Variants in TENM3 observed in about 807,000 individuals in gnomAD.
TENM3 encodes the protein teneurin-3.
In TENM3, 63 loss-of-function variants were observed where a neutral mutation model predicts 255.1. That is an observed-to-expected ratio of 0.25 (90% CI 0.20 to 0.30). The LOEUF is 0.30. TENM3 is among the 10% of genes least tolerant of loss of function. The pLI is 1.00. For missense variants in TENM3, 2,929 were observed against 3,461.1 expected (o/e 0.85, Z 3.86); for synonymous variants, 1,306 against 1,322.3 (o/e 0.99, Z 0.27).
the TENM3 span, among the ~76,000 whole-genome samples, chr4:181,627,035 C>T: frequency 6.6e-6 from 1 of 152,220 alleles, no homozygotes; most frequent in African/African-American, 2.4e-5. Flanking sequence ...AACAAGGTTT[C>T]CCTGCAGGAG....
chr4:181,742,429 G>C, the TENM3 span, among the ~76,000 whole-genome samples: 1 of 151,986 alleles, frequency 6.6e-6, no homozygotes, highest in East Asian at 1.9e-4. Flanking sequence ...GTTTAGTCAG[G>C]GCTTTTTATG....
At chr4:182,548,613 T>C (rs1057231311) in intron 3 of TENM3, 2 of 152,162 alleles carry the variant, frequency 1.3e-5, no homozygotes, top group African/African-American at 4.8e-5. Flanking sequence ...GGACATTTGT[T>C]AACACTCCCA....
chr4:181,547,860 G>T, the TENM3 span, among the ~76,000 whole-genome samples: 2 of 151,710 alleles, frequency 1.3e-5, no homozygotes, highest in East Asian at 1.9e-4. Context: ...ACAATGTGCA[G>T]GTTTGTTACA....
chr4:181,504,906 T>A, the TENM3 span, among the ~76,000 whole-genome samples: 2 of 152,214 alleles, frequency 1.3e-5, no homozygotes, highest in Admixed American at 6.5e-5. Context: ...ATTTGTTTAC[T>A]TAGCCCTGCT....
the TENM3 span, among the ~76,000 whole-genome samples, chr4:181,954,349 C>G: frequency 2.0e-5 from 3 of 152,088 alleles, no homozygotes; most frequent in South Asian, 6.2e-4. Context: ...AGCTGGAAAA[C>G]TGTTTTACAA....
chr4:181,644,584 C>T, the TENM3 span, among the ~76,000 whole-genome samples: 1 of 152,170 alleles, frequency 6.6e-6, no homozygotes, highest in Non-Finnish European at 1.5e-5. Flanking sequence ...CTTCTGCCTG[C>T]CTCACCAAAT....
the TENM3 span, among the ~76,000 whole-genome samples, chr4:181,951,539 C>A: frequency 9.4e-4 from 143 of 152,320 alleles, no homozygotes; most frequent in African/African-American, 3.3e-3. Flanking sequence ...AAAGGAAGAA[C>A]GGCAAAGTCC....
At chr4:182,132,959 CAT>C in the TENM3 span, among the ~76,000 whole-genome samples, 2 of 152,140 alleles carry the variant, frequency 1.3e-5, no homozygotes, top group East Asian at 3.9e-4. Context: ...ATGAGGACCA[CAT>C]GAGACAATGT....
chr4:181,753,530 G>GA, the TENM3 span, among the ~76,000 whole-genome samples: 37,481 of 145,224 alleles, frequency 0.26, 4,828 homozygotes, highest in South Asian at 0.3. Context: ...TTGCAAAAAT[G>GA]AAAAAAAAAA....
chr4:181,812,436 T>C, the TENM3 span, among the ~76,000 whole-genome samples: 1 of 152,208 alleles, frequency 6.6e-6, no homozygotes, highest in Non-Finnish European at 1.5e-5. Context: ...TCAATGCTTA[T>C]AAAGGAAAAA....
upstream of TENM3, among the ~76,000 whole-genome samples, chr4:182,241,518 C>CTTTTTTTTTTTTTTT (rs982739950): frequency 3.9e-4 from 45 of 114,272 alleles, 2 homozygotes; most frequent in African/African-American, 1.2e-3. Context: ...TTTTTTCTTT[C>CTTTTTTTTTTTTTTT]TTTTTTTTTT....
At chr4:182,504,441 G>A (rs1736614737) in intron 3 of TENM3, among the ~76,000 whole-genome samples, 1 of 74,842 alleles carries the variant, frequency 1.3e-5, no homozygotes, top group African/African-American at 4.8e-5. Flanking sequence ...TGTTTCTCCA[G>A]AGTTAAGTCC....
At chr4:182,445,940 G>T (rs577830548) in intron 3 of TENM3, among the ~76,000 whole-genome samples, 1 of 152,268 alleles carries the variant, frequency 6.6e-6, no homozygotes, top group East Asian at 1.9e-4. Context: ...TATAGTAGAA[G>T]AAAACAGAAG....
At chr4:181,986,876 G>A in the TENM3 span, among the ~76,000 whole-genome samples, 7 of 151,990 alleles carry the variant, frequency 4.6e-5, no homozygotes, top group African/African-American at 1.7e-4. Context: ...ATATTTAGTG[G>A]GGAAATTGAG....
At chr4:181,811,354 T>C in the TENM3 span, among the ~76,000 whole-genome samples, 1 of 152,344 alleles carries the variant, frequency 6.6e-6, no homozygotes, top group African/African-American at 2.4e-5. Flanking sequence ...GTATCTCTTC[T>C]CAATTATGGC....
At chr4:182,186,674 C>T (rs554892869) in intron 1 of TENM3, among the ~76,000 whole-genome samples, 1 of 147,276 alleles carries the variant, frequency 6.8e-6, no homozygotes, top group East Asian at 2.0e-4. Flanking sequence ...TAATTAAGTG[C>T]TAATTCATGT....
chr4:182,087,767 G>A, the TENM3 span, among the ~76,000 whole-genome samples: 1 of 152,134 alleles, frequency 6.6e-6, no homozygotes, highest in East Asian at 1.9e-4. Context: ...CCTATTCAAT[G>A]GCATTTATTC....
the TENM3 span, among the ~76,000 whole-genome samples, chr4:181,789,565 C>G: frequency 6.6e-6 from 1 of 151,952 alleles, no homozygotes; most frequent in Non-Finnish European, 1.5e-5. Flanking sequence ...CTTTGTAACA[C>G]CTAAGTTTAT....
At position 182,789,342 on chromosome 4, in the gene TENM3, C is replaced by T. The variant is rs773755678; in HGVS notation, c.5554C>T (p.Arg1852Trp). The T allele has an allele frequency of 1.9e-5, 30 of 1,613,542 alleles. No homozygotes were observed. The East Asian group carries it at 5.1e-4, about 28-fold the overall frequency. Reference sequence around the variant, plus strand: ...TGACGGACAGGGGAGGATCGTGTCTCGGGTCTTTGCTGATGGTAAAACATG... The same window carrying T: ...TGACGGACAGGGGAGGATCGTGTCTTGGGTCTTTGCTGATGGTAAAACATG... ...DYDGQGRIVS[R>W]VFADGKTWSY... The change falls in exon 25 of 28, where the codon CGG becomes TGG. Residue 1852 changes from arginine to tryptophan, a missense_variant. This residue lies in a region of TENM3 where 303 missense variants were observed against 425.2 expected (regional missense o/e 0.71). Transcript: ENST00000511685. This position sits in a 1 kb window ranked among gnomAD's most constrained non-coding sequence, Gnocchi z 4.4.
Sources: gnomAD v4.1 joint callset for allele counts (sites outside exome capture counted in the v4.1 genomes callset) on GRCh38, gnomAD v4.1.1 for gene constraint, gnomAD v4.1.1 regional missense constraint, Gnocchi (gnomAD v3.1) non-coding constraint, MANE v1.5 for transcripts, NCBI Gene and HGNC (gene_info 2026-07-23, HGNC 2026-07-21) for gene names.